Variants in AXDND1 observed in about 807,000 individuals in gnomAD.
The protein encoded by AXDND1 is axonemal dynein light chain domain containing 1, also known as axonemal dynein light chain domain-containing protein 1.
A neutral mutation model predicts 137.5 loss-of-function variants in AXDND1; 110 were observed. The observed-to-expected ratio is 0.80, with a 90% CI of 0.69 to 0.94. The LOEUF (loss-of-function observed/expected upper bound fraction) is 0.94. Among genes scored for constraint, AXDND1 ranks in the 40% least tolerant of loss-of-function variants. The pLI is 0.00. For missense variants in AXDND1, 1,191 were observed against 1,169.8 expected (o/e 1.02, Z -0.26); for synonymous variants, 414 against 399.7 (o/e 1.04, Z -0.43).
intron 18 of AXDND1, among the ~76,000 whole-genome samples, chr1:179,490,982 A>G (rs75480489): frequency 6.6e-6 from 1 of 152,142 alleles, no homozygotes; most frequent in South Asian, 2.1e-4. Flanking sequence ...TTGATGTGCA[A>G]TTTGAGAATT....
chr1:179,483,132 C>T lies in AXDND1; in HGVS notation c.2002C>T (p.Leu668Phe), dbSNP rs1367871910. ...TTTACTTGATTTTTCCTTCAGGGTACTCCAAGCGTATATATTTAACATGAT... is the reference window on the plus strand; with the variant it reads ...TTTACTTGATTTTTCCTTCAGGGTATTCCAAGCGTATATATTTAACATGAT... ...QHIDVDSVSV[L>F]QAYIFNMIQQ... Residue 668 changes from leucine to phenylalanine, a missense_variant, in exon 18 of 26, where the codon CTC (leucine) becomes TTC (phenylalanine). Leu to Phe is a conservative substitution (Grantham distance 22, BLOSUM62 0). Transcript: ENST00000367618. 1.3e-6 allele frequency: 2 copies of T among 1,589,504 alleles called. No individual in the cohort carries two copies. The highest frequency in any genetic ancestry group is 1.4e-5 in the African/African-American group (1 of 73,956).
At chr1:179,470,835 G>T (rs1038489268) in intron 17 of AXDND1, among the ~76,000 whole-genome samples, 12 of 152,006 alleles carry the variant, frequency 7.9e-5, no homozygotes, top group African/African-American at 1.2e-4. Flanking sequence ...CTATTCTTAT[G>T]GGAAATGCAT....
intron 11 of AXDND1, among the ~76,000 whole-genome samples, chr1:179,403,563 T>C (rs1652436982): frequency 6.6e-6 from 1 of 152,218 alleles, no homozygotes; most frequent in South Asian, 2.1e-4. Context: ...CATGCAGTGA[T>C]GATTACATTA....
intron 11 of AXDND1, among the ~76,000 whole-genome samples, chr1:179,396,019 A>G (rs957114596): frequency 1.3e-5 from 2 of 151,938 alleles, no homozygotes; most frequent in Non-Finnish European, 2.9e-5. Context: ...AAATACAAAA[A>G]TTAGCTGGAG....
chr1:179,542,716 G>A (rs1287443184), intron 25 of AXDND1, among the ~76,000 whole-genome samples: 10 of 152,158 alleles, frequency 6.6e-5, no homozygotes, highest in South Asian at 2.1e-4. Flanking sequence ...CCATTCCCAC[G>A]AAAGTCTTGA....
chr1:179,475,530 G>C (rs1212254248), intron 17 of AXDND1, among the ~76,000 whole-genome samples: 2 of 152,244 alleles, frequency 1.3e-5, no homozygotes, highest in Non-Finnish European at 2.9e-5. Flanking sequence ...CTTGCATGGG[G>C]CCTGTAGCCC....
intron 20 of AXDND1, among the ~76,000 whole-genome samples, chr1:179,504,884 A>C (rs1203656955): frequency 6.6e-6 from 1 of 152,208 alleles, no homozygotes. Context: ...AGCCTATGCA[A>C]AGGCCTTCTT....
At position 179,552,396 on chromosome 1, in the gene AXDND1, T is replaced by G. The variant is rs146560491; in HGVS notation, c.3032-2116T>G. On this transcript the variant is annotated intron_variant, in intron 25 of 25. Coordinates refer to ENST00000367618, the MANE Select transcript of AXDND1 (RefSeq NM_144696.6). ...GACTCAAGCAGTGAGTGGTCACTAT[T>G]ATCAGTAGCTTCAGAGAGGGAGAGG... 289 of 619,162 alleles carry G rather than the reference T, an allele frequency of 4.7e-4. 1 individual carries two copies. The highest frequency in any genetic ancestry group is 4.5e-3 in the African/African-American group (246 of 55,222). The allele number at this position is 619,162 out of a possible 1,614,324, so 38.4% of individuals were successfully genotyped here.
intron 15 of AXDND1, among the ~76,000 whole-genome samples, chr1:179,443,275 G>C (rs572315579): frequency 1.1e-3 from 167 of 152,274 alleles, no homozygotes; most frequent in Middle Eastern, 3.4e-3. Flanking sequence ...CTATAAGTGA[G>C]GGTAGTTCAA....
At chr1:179,474,053 C>T (rs12751019) in intron 17 of AXDND1, among the ~76,000 whole-genome samples, 69,301 of 151,642 alleles carry the variant, frequency 0.46, 16,693 homozygotes, top group East Asian at 0.76. Context: ...GTGAAACCCC[C>T]GTCTCTACTA....
intron 9 of AXDND1, among the ~76,000 whole-genome samples, chr1:179,390,751 T>TTC (rs368236387): frequency 0.037 from 3,039 of 82,330 alleles, 108 homozygotes; most frequent in African/African-American, 0.11. Context: ...CCTAGATTCC[T>TTC]TTTTTTTTCT....
At chr1:179,431,566 T>G (rs1321858980) in intron 14 of AXDND1, among the ~76,000 whole-genome samples, 1 of 151,934 alleles carries the variant, frequency 6.6e-6, no homozygotes, top group Non-Finnish European at 1.5e-5. Context: ...TAAGGTTTTT[T>G]TTTTTTTTTA....
At chr1:179,516,755 T>C (rs1199052746) in intron 21 of AXDND1, among the ~76,000 whole-genome samples, 2 of 152,200 alleles carry the variant, frequency 1.3e-5, no homozygotes, top group African/African-American at 4.8e-5. Context: ...CAAGCCTACC[T>C]GGTTCTGGGC....
Position 179,371,357 on chromosome 1 carries a change from G to C in AXDND1, c.374+1279G>C, listed in dbSNP as rs183706953. On this transcript the variant is annotated intron_variant, in intron 4 of 25. Coordinates refer to ENST00000367618, the MANE Select transcript of AXDND1 (RefSeq NM_144696.6). ...GCAGGAGAATTGCTTGAATCCAGGA[G>C]GTGGAGGTTGCAGTGAGCTGAGATT... Among the ~76,000 whole-genome samples the C allele has an allele frequency of 3.0e-3, 461 of 152,240 alleles. 3 individuals are homozygous for C. The highest frequency in any genetic ancestry group is 0.01 in the African/African-American group (427 of 41,540).
At chr1:179,438,160 G>GTAAATAAATAAA (rs913785216) in intron 15 of AXDND1, among the ~76,000 whole-genome samples, 2 of 36,150 alleles carry the variant, frequency 5.5e-5, no homozygotes, top group Non-Finnish European at 1.4e-4. Flanking sequence ...TCAAAAATAA[G>GTAAATAAATAAA]TAAATAAATA....
intron 12 of AXDND1, among the ~76,000 whole-genome samples, chr1:179,422,626 G>C (rs529283757): frequency 6.6e-6 from 1 of 152,218 alleles, no homozygotes; most frequent in Non-Finnish European, 1.5e-5. Context: ...TGGGTGAAAT[G>C]TTCTGTAAAT....
intron 15 of AXDND1, among the ~76,000 whole-genome samples, chr1:179,436,957 G>T (rs987941763): frequency 2.7e-5 from 4 of 150,246 alleles, no homozygotes; most frequent in African/African-American, 9.8e-5. Context: ...GTAAAGATTA[G>T]TAACTTTTGC....
chr1:179,447,941 A>G (rs1423760859), intron 16 of AXDND1: 1 of 1,387,230 alleles, frequency 7.2e-7, no homozygotes, highest in East Asian at 2.3e-5. Context: ...AAATCTGTTA[A>G]CGTTGAGCTG....
intron 16 of AXDND1, among the ~76,000 whole-genome samples, chr1:179,462,657 C>T (rs1318563417): frequency 6.6e-6 from 1 of 152,182 alleles, no homozygotes; most frequent in Non-Finnish European, 1.5e-5. Flanking sequence ...TAGAATTTGG[C>T]TGTGAATCTG....
Sources: gnomAD v4.1 joint callset for allele counts (sites outside exome capture counted in the v4.1 genomes callset) on GRCh38, gnomAD v4.1.1 for gene constraint, MANE v1.5 for transcripts, NCBI Gene and HGNC (gene_info 2026-07-23, HGNC 2026-07-21) for gene names.